The following SYNE1 variants were observed in gnomAD, a reference collection of about 807,000 sequenced individuals.
SYNE1 encodes nesprin-1.
A neutral mutation model predicts 1,111.0 loss-of-function variants in SYNE1; 616 were observed. The observed-to-expected ratio is 0.55, with a 90% CI of 0.52 to 0.59. The LOEUF is 0.59. SYNE1 is among the 20% of genes least tolerant of loss of function. The pLI, the probability that SYNE1 is intolerant of heterozygous loss-of-function variation, is 0.00. For synonymous variants in SYNE1, 3,855 were observed against 3,825.8 expected, an observed-to-expected ratio of 1.01 and a Z score of -0.28; for missense variants, 10,006 against 10,417.0, an observed-to-expected ratio of 0.96 and a Z score of 1.72.
At chr6:152,540,730 A>T (rs1165567911) in intron 3 of SYNE1, among the ~76,000 whole-genome samples, 72 of 152,352 alleles carry the variant, frequency 4.7e-4, no homozygotes, top group Non-Finnish European at 3.8e-4. Context: ...CTGCTGGCCT[A>T]GAAGAAGCAA....
chr6:152,468,878 C>A (rs1014222686), intron 16 of SYNE1, among the ~76,000 whole-genome samples: 1 of 152,108 alleles, frequency 6.6e-6, no homozygotes, highest in Non-Finnish European at 1.5e-5. Context: ...AGGGCTCAAG[C>A]CATCCTCCTG....
At chr6:152,314,818 G>A (rs952767452) in intron 87 of SYNE1, among the ~76,000 whole-genome samples, 2 of 150,812 alleles carry the variant, frequency 1.3e-5, no homozygotes, top group Admixed American at 6.6e-5. Flanking sequence ...AGGTGTGATG[G>A]CACGTGCCTG....
intron 104 of SYNE1, among the ~76,000 whole-genome samples, chr6:152,254,244 C>CTTTTTTTTTTTTT (rs773598537): frequency 5.5e-5 from 4 of 73,144 alleles, no homozygotes; most frequent in African/African-American, 5.8e-5. Context: ...TCTGCATACT[C>CTTTTTTTTTTTTT]TTTTTTTTTT....
At chr6:152,145,680 C>A (rs2059356214) in intron 137 of SYNE1, 4 of 828,364 alleles carry the variant, frequency 4.8e-6, no homozygotes, top group Non-Finnish European at 8.2e-6. Flanking sequence ...AGCTCCTGAG[C>A]GCACAGAGGA....
At chr6:152,409,876 A>T (rs796328025) in intron 42 of SYNE1, among the ~76,000 whole-genome samples, 167 bp from the exon 43 acceptor site, 9 of 152,282 alleles carry the variant, frequency 5.9e-5, no homozygotes, top group African/African-American at 1.9e-4. Flanking sequence ...ACTTACTCCA[A>T]TGTCTAAAAT....
intron 3 of SYNE1, among the ~76,000 whole-genome samples, chr6:152,626,545 T>C (rs1222207163): frequency 1.3e-5 from 2 of 152,180 alleles, no homozygotes; most frequent in African/African-American, 2.4e-5. Context: ...TCTGAGATCC[T>C]TGGTGCTGGT....
Position 152,628,390 on chromosome 6 carries a change from G to C in SYNE1, c.-59C>G, listed in dbSNP as rs1329209515. On this transcript the variant is annotated 5_prime_UTR_variant, in exon 3 of 146. Coordinates refer to ENST00000367255, the MANE Select transcript of SYNE1 (RefSeq NM_182961.4). The stretch of plus-strand genomic sequence containing the variant: ...GACTCTTCACTGGAGGCAGCACAGG[G>C]CTACACCACTCTAGAAAACATGCTT... 2 of 1,517,678 alleles carry C rather than the reference G, an allele frequency of 1.3e-6. No homozygotes were observed. Among genetic ancestry groups the C allele is most frequent in the Non-Finnish European group, 9.2e-7 (1 of 1,092,266 alleles). 94.0% of individuals were successfully genotyped at this position (1,517,678 alleles called of 1,614,324 possible).
At chr6:152,296,598 A>T (rs2094894378) in intron 93 of SYNE1, among the ~76,000 whole-genome samples, 2 of 152,210 alleles carry the variant, frequency 1.3e-5, no homozygotes, top group African/African-American at 4.8e-5. Flanking sequence ...CATTACAGTA[A>T]CAGCTTCCTA....
At chr6:152,207,901 A>G in intron 125 of SYNE1, 71 bp downstream of exon 125, 1 of 1,514,186 alleles carries the variant, frequency 6.6e-7, no homozygotes, top group Non-Finnish European at 9.2e-7. Flanking sequence ...CCTTTTGAAA[A>G]ACCGAGGCGA....
rs1296719595 is a variant in SYNE1 at position 152,125,533 on chromosome 6, G to C, written c.26154-2857C>G. On this transcript the variant is annotated intron_variant, in intron 145 of 145. Coordinates refer to ENST00000367255, the MANE Select transcript of SYNE1 (RefSeq NM_182961.4). ...AAAGTGTCTTAAGAAGGATAGGATA[G>C]CTACCCACAAACTTTGGATCAAATT... is the stretch of plus-strand genomic sequence containing the variant. 7.9e-6 allele frequency: 6 copies of C among 763,988 alleles called. No individual in the cohort carries two copies. In the Middle Eastern group the frequency reaches 1.3e-3, roughly 167 times the overall value. 47.3% of individuals were successfully genotyped at this position (763,988 alleles called of 1,614,324 possible).
intron 65 of SYNE1, 105 bp downstream of exon 65, chr6:152,359,210 T>A: frequency 6.6e-7 from 1 of 1,519,042 alleles, no homozygotes; most frequent in South Asian, 1.1e-5. Flanking sequence ...GCTTTTGTTC[T>A]GTTTTCCCAA....
Position 152,621,154 on chromosome 6 carries a change from C to T in SYNE1, c.67+7111G>A, listed in dbSNP as rs541473128. Among the ~76,000 whole-genome samples the T allele has an allele frequency of 1.1e-4, 17 of 152,116 alleles. No individual in the cohort carries two copies. In the East Asian group the frequency reaches 1.7e-3, roughly 16 times the overall value. On this transcript the variant is annotated intron_variant, in intron 3 of 145. Coordinates refer to ENST00000367255, the MANE Select transcript of SYNE1 (RefSeq NM_182961.4). ...GAGATGAAAGAGTCAGGACATCTTC[C>T]GAGCATGGAAAGTAGTAACATTTGG... is the stretch of plus-strand genomic sequence containing the variant.
At chr6:152,549,446 T>TG (rs1279472471) in intron 3 of SYNE1, among the ~76,000 whole-genome samples, 10 of 152,168 alleles carry the variant, frequency 6.6e-5, no homozygotes, top group Middle Eastern at 3.4e-3. Context: ...TTTACATGTG[T>TG]GGGGGGGCGG....
At chr6:152,267,606 G>A (rs1481627757) in intron 100 of SYNE1, among the ~76,000 whole-genome samples, 3 of 152,056 alleles carry the variant, frequency 2.0e-5, no homozygotes, top group Admixed American at 6.5e-5. Context: ...ACTCTTCTGT[G>A]TAGAAGACTT....
intron 66 of SYNE1, among the ~76,000 whole-genome samples, chr6:152,358,035 T>C (rs1254743646): frequency 1.3e-5 from 2 of 152,356 alleles, no homozygotes; most frequent in East Asian, 1.9e-4. Context: ...CTTCTGCCGC[T>C]GTCCCCCAGA....
At chr6:152,214,072 G>A (rs2078080009) in intron 122 of SYNE1, among the ~76,000 whole-genome samples, 1 of 151,904 alleles carries the variant, frequency 6.6e-6, no homozygotes, top group Non-Finnish European at 1.5e-5. Flanking sequence ...GTGGTGGTGT[G>A]TGACTGTAAT....
At chr6:152,623,022 C>A (rs1044158254) in intron 3 of SYNE1, among the ~76,000 whole-genome samples, 1 of 151,936 alleles carries the variant, frequency 6.6e-6, no homozygotes, top group Admixed American at 6.6e-5. Context: ...TGATGCTGAG[C>A]TTTTTTTCAT....
intron 93 of SYNE1, among the ~76,000 whole-genome samples, chr6:152,298,847 A>G (rs1193326967): frequency 3.3e-5 from 5 of 152,224 alleles, no homozygotes; most frequent in African/African-American, 1.2e-4. Flanking sequence ...ACCAAGCATA[A>G]TACATTTCCT....
intron 131 of SYNE1, among the ~76,000 whole-genome samples, chr6:152,158,462 C>A (rs564462926): frequency 6.6e-6 from 1 of 152,228 alleles, no homozygotes; most frequent in South Asian, 2.1e-4. Context: ...CAAACACTAG[C>A]TATTGTCAAA....
Sources: gnomAD v4.1 joint callset for allele counts (sites outside exome capture counted in the v4.1 genomes callset) on GRCh38, gnomAD v4.1.1 for gene constraint, MANE v1.5 for transcripts, NCBI Gene and HGNC (gene_info 2026-07-23, HGNC 2026-07-21) for gene names.